ERC1: variants seen among roughly 807,000 people sequenced by gnomAD.
The protein encoded by ERC1 is ELKS/RAB6-interacting/CAST family member 1.
Under a neutral mutation model 132.0 loss-of-function variants are expected in ERC1, and 56 were observed. The observed-to-expected ratio is 0.42, with a 90% CI of 0.34 to 0.53. The LOEUF (loss-of-function observed/expected upper bound fraction) is 0.53. Ranked by LOEUF, ERC1 falls within the 20% of genes least tolerant of loss-of-function variation. ERC1 has a pLI of 0.03. For missense variants in ERC1, 1,202 were observed against 1,349.9 expected (o/e 0.89, Z 1.72); for synonymous variants, 478 against 476.1 (o/e 1.00, Z -0.05).
rs776055552 is a variant in ERC1, at chr12:1,494,194, C to A, written c.*3964C>A. 6 of 232,298 alleles carry A rather than the reference C, an allele frequency of 2.6e-5. No individual in the cohort carries two copies. Among genetic ancestry groups the A allele is most frequent in the Admixed American group, 5.6e-5 (1 of 17,766 alleles). The allele number at this position is 232,298 out of a possible 1,614,324, so 14.4% of individuals were successfully genotyped here. A position where few individuals can be genotyped will look rare whatever the true frequency, so the allele number is the denominator to read the frequency against. On this transcript the variant is annotated 3_prime_UTR_variant, in exon 19 of 19. Transcript: ENST00000360905. ...ATTTAACATCTGCTCCTGGCCTCCT[C>A]TTCACCTGCCTGGGTTCGGAACTGA...
chr12:1,394,015 C>CA (rs1216337061), intron 16 of ERC1, among the ~76,000 whole-genome samples: 2,464 of 26,558 alleles, frequency 0.093, 152 homozygotes, highest in African/African-American at 0.11. Context: ...GACTCCGTCT[C>CA]AAAAAAAAAA....
At chr12:1,396,940 C>T (rs2090592008) in intron 16 of ERC1, among the ~76,000 whole-genome samples, 1 of 152,124 alleles carries the variant, frequency 6.6e-6, no homozygotes, top group Non-Finnish European at 1.5e-5. Flanking sequence ...TTTCTCTGCC[C>T]TGACTCTGGG....
At chr12:1,016,357 G>T (rs1269981069) in intron 1 of ERC1, among the ~76,000 whole-genome samples, 1 of 152,154 alleles carries the variant, frequency 6.6e-6, no homozygotes, top group East Asian at 1.9e-4. Context: ...TTGTCTTAAT[G>T]ATATTTGGTG....
chr12:1,037,206 G>T (rs1969254473), intron 2 of ERC1, among the ~76,000 whole-genome samples: 1 of 152,156 alleles, frequency 6.6e-6, no homozygotes, highest in African/African-American at 2.4e-5. Flanking sequence ...CCAGATAATT[G>T]CAGTTTCTCT....
intron 13 of ERC1, among the ~76,000 whole-genome samples, chr12:1,249,375 C>T (rs1343924150): frequency 1.3e-5 from 2 of 152,164 alleles, no homozygotes; most frequent in Non-Finnish European, 1.5e-5. Flanking sequence ...TTAAAAAAAG[C>T]TTTCTCTTGA....
At chr12:1,081,802 A>ACT (rs1262433387) in intron 2 of ERC1, among the ~76,000 whole-genome samples, 2 of 152,140 alleles carry the variant, frequency 1.3e-5, no homozygotes, top group African/African-American at 4.8e-5. Flanking sequence ...AGTCAGCAGT[A>ACT]ATGCATTGTA....
chr12:1,183,290 T>G lies in ERC1; in HGVS notation c.2026T>G (p.Leu676Val). 6.4e-7 allele frequency: 1 copy of G among 1,559,100 alleles called. No homozygotes were observed. The highest frequency in any genetic ancestry group is 2.3e-5 in the East Asian group (1 of 44,240). ...GDLSEKEASL[L>V]DLKEHASSLA... ...GTGTTCCTTCTTTTAGGCTTCACTT[T>G]TGGATCTGAAAGAGCATGCTTCTTC... Residue 676 changes from leucine to valine, a missense_variant, in exon 11 of 19, where the codon TTG becomes GTG. Physicochemically the swap from Leu to Val is conservative, Grantham distance 32. Coordinates refer to ENST00000360905, the MANE Select transcript of ERC1 (RefSeq NM_178040.4).
rs1236250766 is a variant in ERC1, at chr12:1,491,501, C to A, written c.*1271C>A. 1 of 230,404 alleles carries A rather than the reference C, an allele frequency of 4.3e-6. No homozygotes were observed. 14.3% of individuals were successfully genotyped at this position (230,404 alleles called of 1,614,324 possible). The stretch of plus-strand genomic sequence containing the variant: ...GATGTAGTGGATTCTGTGAGACATA[C>A]CTGCTGGAGTTGAAGCAGTAAATAG... On this transcript the variant is annotated 3_prime_UTR_variant, in exon 19 of 19. Transcript: ENST00000360905.
rs1383150226 is a variant in ERC1, at chr12:1,090,881, A to G, written c.1086+7301A>G. On this transcript the variant is annotated intron_variant, in intron 3 of 18. Transcript: ENST00000360905. ...TGTTGTTGTTGTTATTATTATTATT[A>G]TTATTATTATTATTATTATTATTAT... Among the ~76,000 whole-genome samples, 47 of 18,308 alleles carry G rather than the reference A, an allele frequency of 2.6e-3. 3 individuals are homozygous for G. The highest frequency in any genetic ancestry group is 4.6e-3 in the Non-Finnish European group (27 of 5,876). 12.0% of individuals were successfully genotyped at this position (18,308 alleles called of 152,430 possible).
chr12:1,458,471 T>C (rs2093583686), intron 18 of ERC1, among the ~76,000 whole-genome samples: 1 of 152,014 alleles, frequency 6.6e-6, no homozygotes, highest in African/African-American at 2.4e-5. Context: ...GATTTCTCTG[T>C]GTGTATGTGT....
At chr12:1,305,627 C>A (rs1476800114) in intron 15 of ERC1, among the ~76,000 whole-genome samples, 1 of 152,076 alleles carries the variant, frequency 6.6e-6, no homozygotes, top group Admixed American at 6.6e-5. Context: ...TCTTTTTATG[C>A]ACTATTTTTA....
chr12:1,009,007 CAG>C (rs1426262460), intron 1 of ERC1, among the ~76,000 whole-genome samples: 1 of 151,518 alleles, frequency 6.6e-6, no homozygotes, highest in Non-Finnish European at 1.5e-5. Context: ...GGTAGCAAGA[CAG>C]AAGTTAGAAG....
chr12:1,424,347 C>T (rs1029178798), intron 17 of ERC1, among the ~76,000 whole-genome samples: 5 of 152,138 alleles, frequency 3.3e-5, no homozygotes, highest in South Asian at 2.1e-4. Flanking sequence ...TTCATAAATA[C>T]GACACCTTAT....
chr12:1,285,892 A>G (rs2079011800), intron 14 of ERC1, among the ~76,000 whole-genome samples: 1 of 152,228 alleles, frequency 6.6e-6, no homozygotes, highest in Non-Finnish European at 1.5e-5. Flanking sequence ...AAAAATTCCT[A>G]AACATAATCA....
At chr12:1,354,607 G>A (rs761412519) in intron 15 of ERC1, among the ~76,000 whole-genome samples, 35 of 152,060 alleles carry the variant, frequency 2.3e-4, no homozygotes, top group Admixed American at 3.3e-4. Flanking sequence ...TATAGTGAGT[G>A]TTTACCCAGT....
intron 1 of ERC1, among the ~76,000 whole-genome samples, chr12:1,012,471 C>CT (rs58882619): frequency 7.4e-4 from 63 of 85,398 alleles, no homozygotes; most frequent in African/African-American, 1.5e-3. Flanking sequence ...GATATTTAAT[C>CT]TTTTTTTTTT....
chr12:1,403,476 T>G (rs1445953708), intron 16 of ERC1, among the ~76,000 whole-genome samples: 1 of 152,248 alleles, frequency 6.6e-6, no homozygotes, highest in Non-Finnish European at 1.5e-5. Context: ...CTGTCAGATA[T>G]TTAGTGCTCA....
intron 16 of ERC1, among the ~76,000 whole-genome samples, chr12:1,382,321 G>T (rs774063311): frequency 1.3e-4 from 20 of 152,182 alleles, no homozygotes; most frequent in Non-Finnish European, 2.9e-4. Context: ...AGCAGAAAAA[G>T]AACTGTGAGA....
At chr12:1,330,363 T>G (rs923388709) in intron 15 of ERC1, among the ~76,000 whole-genome samples, 1 of 152,216 alleles carries the variant, frequency 6.6e-6, no homozygotes, top group Non-Finnish European at 1.5e-5. Flanking sequence ...ATGTTATTTT[T>G]TATTGACTCC....
Sources: allele counts gnomAD v4.1 joint callset (sites outside exome capture counted in the v4.1 genomes callset), GRCh38; gene constraint gnomAD v4.1.1; transcripts MANE v1.5; gene names NCBI Gene and HGNC (gene_info 2026-07-23, HGNC 2026-07-21).